Variants in TARS3 observed in about 807,000 individuals in gnomAD.
TARS3 encodes the protein threonyl-tRNA synthetase 3.
TARS3 carries 94 observed loss-of-function variants against 103.5 expected under a neutral mutation model. The ratio of observed to expected loss-of-function variants is 0.91; its 90% CI spans 0.77 to 1.08. The LOEUF (loss-of-function observed/expected upper bound fraction) is 1.08, where lower values mean the gene tolerates loss of function less well. TARS3 is among the 50% of genes least tolerant of loss of function. The pLI is 0.00. For missense variants in TARS3, 952 were observed against 995.2 expected (o/e 0.96, Z 0.58); for synonymous variants, 416 against 355.4 (o/e 1.17, Z -1.92).
intron 12 of TARS3, among the ~76,000 whole-genome samples, chr15:101,676,068 G>C (rs1461353886): frequency 6.6e-6 from 1 of 152,224 alleles, no homozygotes; most frequent in Non-Finnish European, 1.5e-5. Flanking sequence ...AAGCTCAGGA[G>C]CTCTGTGAGC....
chr15:101,653,721 G>C lies in TARS3; in HGVS notation c.*861C>G, dbSNP rs970206925. On this transcript the variant is annotated 3_prime_UTR_variant, in exon 19 of 19. Transcript: ENST00000335968. Reference sequence around the variant, plus strand: ...TTTCTTTTGAATTTCACAGCATATCGCAAAATAAACAATACTTCTTGTTTG... The same window carrying C: ...TTTCTTTTGAATTTCACAGCATATCCCAAAATAAACAATACTTCTTGTTTG... The C allele has an allele frequency of 6.6e-6, 1 of 152,100 alleles. No individual in the cohort carries two copies. The highest frequency in any genetic ancestry group is 1.5e-5 in the Non-Finnish European group (1 of 68,028). 9.4% of individuals were successfully genotyped at this position (152,100 alleles called of 1,614,324 possible).
At chr15:101,677,983 CA>C (rs1898102381) in intron 12 of TARS3, among the ~76,000 whole-genome samples, 3 of 136,928 alleles carry the variant, frequency 2.2e-5, no homozygotes, top group Non-Finnish European at 3.1e-5. Flanking sequence ...TTTTGGGGGT[CA>C]TTTTTTTTTT....
intron 8 of TARS3, among the ~76,000 whole-genome samples, chr15:101,702,693 C>T (rs545474239): frequency 2.5e-4 from 38 of 152,268 alleles, no homozygotes; most frequent in African/African-American, 8.4e-4. Context: ...CTGTTTGAGC[C>T]CAGGAGGTCG....
rs760827142 is a variant in TARS3, at chr15:101,705,674, G to A, written c.995+9C>T. The A allele has an allele frequency of 6.2e-6, 10 of 1,608,520 alleles. No homozygotes were observed. In the Admixed American group the frequency reaches 1.7e-4, roughly 27 times the overall value. The stretch of plus-strand genomic sequence containing the variant: ...CACTGAGCAGCGTTTACCATGTGTG[G>A]ACACAAACCTGTACACGGTGGTAGT... On this transcript the variant is annotated intron_variant, in intron 7 of 18. Transcript: ENST00000335968.
At chr15:101,680,294 T>C (rs1898208111) in intron 12 of TARS3, among the ~76,000 whole-genome samples, 1 of 152,244 alleles carries the variant, frequency 6.6e-6, no homozygotes, top group Admixed American at 6.5e-5. Flanking sequence ...AGAGTAGATA[T>C]TGTCTAAAAC....
chr15:101,712,360 A>G (rs1899910897), intron 4 of TARS3, among the ~76,000 whole-genome samples: 1 of 152,158 alleles, frequency 6.6e-6, no homozygotes, highest in African/African-American at 2.4e-5. Context: ...CCAGAGTAGG[A>G]GGAAGGCCGA....
rs1423213548 is a variant in TARS3 at position 101,682,747 on chromosome 15, G to C, written c.1650+1328C>G. ...CTTTAATGTTTGGTAGAATTCACCA[G>C]TAAAACCATCTTGGCCTGGAGTTTT... On this transcript the variant is annotated intron_variant, in intron 12 of 18. Coordinates refer to ENST00000335968, the MANE Select transcript of TARS3 (RefSeq NM_152334.3). 2.0e-5 allele frequency among the ~76,000 whole-genome samples: 3 copies of C among 152,280 alleles called. No individual in the cohort carries two copies. In the South Asian group the frequency reaches 6.2e-4, roughly 32 times the overall value.
intron 6 of TARS3, 72 bp from the exon 7 acceptor site, chr15:101,705,819 C>T: frequency 7.9e-7 from 1 of 1,273,294 alleles, no homozygotes. Flanking sequence ...TACTTTTCTT[C>T]AAGAAACATT....
chr15:101,684,239 T>C lies in TARS3; in HGVS notation c.1488-2A>G, dbSNP rs1898374334. ...CGTGGACGATGGGCAAACATTAGAC[T>C]AGAAAAGATGTGGTAACACACAGCT... On this transcript the variant is annotated splice_acceptor_variant, in intron 11 of 18. Transcript: ENST00000335968. LOFTEE classifies it high-confidence loss of function. The C allele has an allele frequency of 6.2e-7, 1 of 1,613,038 alleles. No homozygotes were observed. The highest frequency in any genetic ancestry group is 8.5e-7 in the Non-Finnish European group (1 of 1,179,422).
intron 13 of TARS3, among the ~76,000 whole-genome samples, chr15:101,673,112 T>C (rs1897878735): frequency 6.6e-6 from 1 of 152,188 alleles, no homozygotes; most frequent in Non-Finnish European, 1.5e-5. Flanking sequence ...AATATTTCAA[T>C]GCTCACCTCA....
intron 13 of TARS3, among the ~76,000 whole-genome samples, chr15:101,673,052 T>C (rs1233573249): frequency 1.3e-5 from 2 of 152,192 alleles, no homozygotes; most frequent in East Asian, 1.9e-4. Context: ...GAGCATCGGA[T>C]ACATGAAGAT....
chr15:101,656,881 A>G (rs2141377331), intron 18 of TARS3, 41 bp downstream of exon 18: 3 of 1,289,312 alleles, frequency 2.3e-6, no homozygotes, highest in South Asian at 1.3e-5. Context: ...TTGAAGTGGG[A>G]AAAAAAAGCA....
intron 10 of TARS3, among the ~76,000 whole-genome samples, chr15:101,689,412 T>C (rs552677823): frequency 6.6e-6 from 1 of 152,192 alleles, no homozygotes; most frequent in African/African-American, 2.4e-5. Flanking sequence ...CTCCTAGTAC[T>C]TCAGAATGTG....
intron 8 of TARS3, 31 bp from the exon 9 acceptor site, chr15:101,702,416 A>G: frequency 3.2e-6 from 5 of 1,584,076 alleles, no homozygotes; most frequent in Non-Finnish European, 4.3e-6. Flanking sequence ...TGGTAAATAT[A>G]TCATACATTC....
chr15:101,724,112 C>G lies in TARS3; in HGVS notation c.276G>C (p.Ala92=). 3 of 1,381,490 alleles carry G rather than the reference C, an allele frequency of 2.2e-6. No homozygotes were observed. The highest frequency in any genetic ancestry group is 2.8e-6 in the Non-Finnish European group (3 of 1,068,504). 85.6% of individuals were successfully genotyped at this position (1,381,490 alleles called of 1,614,324 possible). Residue 92 remains alanine (A), a synonymous_variant, in exon 1 of 19, where the codon GCG becomes GCC. Transcript: ENST00000335968. ...TTACCTGTGCGCCGGCCTCCTGCGC[C>G]GCCTCTAGCTCCGCGCTCTCCAGCG... The part of the protein sequence containing the change: ...QATLESAELE[A]AQEAGAQPPP...
chr15:101,719,272 G>A (rs1268293185), intron 3 of TARS3, among the ~76,000 whole-genome samples: 2 of 152,198 alleles, frequency 1.3e-5, no homozygotes, highest in Non-Finnish European at 2.9e-5. Context: ...ATGCACGTGT[G>A]GTGTGAGCAG....
intron 18 of TARS3, among the ~76,000 whole-genome samples, chr15:101,655,221 C>G (rs1470788108): frequency 9.6e-5 from 12 of 125,378 alleles, no homozygotes; most frequent in East Asian, 5.2e-4. Flanking sequence ...CAGGCTCACA[C>G]TGACCCCACC....
At chr15:101,711,767 A>G in intron 5 of TARS3, 113 bp downstream of exon 5, 1 of 1,289,194 alleles carries the variant, frequency 7.8e-7, no homozygotes, top group Non-Finnish European at 1.0e-6. Flanking sequence ...CGGTGCCCCT[A>G]ACCCCACATT....
intron 10 of TARS3, among the ~76,000 whole-genome samples, chr15:101,689,505 G>C (rs900836009): frequency 6.6e-6 from 1 of 151,904 alleles, no homozygotes; most frequent in African/African-American, 2.4e-5. Context: ...TATATGGCTG[G>C]TCTCTTTATA....
Sources: allele counts gnomAD v4.1 joint callset (sites outside exome capture counted in the v4.1 genomes callset), GRCh38; gene constraint gnomAD v4.1.1; transcripts MANE v1.5; gene names NCBI Gene and HGNC (gene_info 2026-07-23, HGNC 2026-07-21).